The following GATA4 variants were observed in gnomAD, a reference collection of about 807,000 sequenced individuals.
GATA4 encodes GATA binding protein 4, also known as transcription factor GATA-4.
GATA4 carries 7 observed loss-of-function variants against 37.9 expected under a neutral mutation model. The ratio of observed to expected loss-of-function variants is 0.18; its 90% CI spans 0.11 to 0.35. The LOEUF is 0.35. Ranked by LOEUF, GATA4 falls within the 10% of genes least tolerant of loss-of-function variation. The probability of loss-of-function intolerance (pLI) is 1.00; values close to 1 mark genes in which losing one functional copy is unlikely to be tolerated. For synonymous variants in GATA4, 372 were observed against 292.6 expected (o/e 1.27, Z -2.77); for missense variants, 647 against 653.0 (o/e 0.99, Z 0.10).
chr8:11,725,915 C>T (rs1362050534), intron 2 of GATA4, among the ~76,000 whole-genome samples: 2 of 152,210 alleles, frequency 1.3e-5, no homozygotes, highest in Non-Finnish European at 2.9e-5. Flanking sequence ...TCTCTGCATG[C>T]AGCTTTTGAC....
At chr8:11,686,456 G>C (rs1799137579) in intron 1 of GATA4, among the ~76,000 whole-genome samples, 1 of 152,168 alleles carries the variant, frequency 6.6e-6, no homozygotes, top group Non-Finnish European at 1.5e-5. Context: ...GGGTGTGTTT[G>C]TTGATAATGG....
chr8:11,717,680 G>A (rs1300625118), intron 2 of GATA4, among the ~76,000 whole-genome samples: 3 of 152,188 alleles, frequency 2.0e-5, no homozygotes. Flanking sequence ...TCCATGACTT[G>A]TCGCTCCCAT....
rs1378340924 is a variant in GATA4 at position 11,758,526 on chromosome 8, T to C, written c.*51T>C. The C allele has an allele frequency of 2.5e-6, 4 of 1,597,214 alleles. No homozygotes were observed. Among genetic ancestry groups the C allele is most frequent in the Non-Finnish European group, 2.6e-6 (3 of 1,164,942 alleles). Reference sequence around the variant, plus strand: ...CTGCACGGACCTGGGACTTGGAGGATAGCAAAGAAGGAGGCCCTGGGCTCC... The same window carrying C: ...CTGCACGGACCTGGGACTTGGAGGACAGCAAAGAAGGAGGCCCTGGGCTCC... On this transcript the variant is annotated 3_prime_UTR_variant, in exon 7 of 7. Coordinates refer to ENST00000532059, the MANE Select transcript of GATA4 (RefSeq NM_001308093.3).
At chr8:11,687,118 G>A (rs927147714) in intron 1 of GATA4, among the ~76,000 whole-genome samples, 1 of 152,154 alleles carries the variant, frequency 6.6e-6, no homozygotes, top group Non-Finnish European at 1.5e-5. Flanking sequence ...GCCTTCCAAA[G>A]CAAGAGATGT....
chr8:11,758,236 C>G lies in GATA4; in HGVS notation c.1150-57C>G, dbSNP rs997279999. ...GCAGGGCACCCTCCCCAGCCTAGAC[C>G]TCCCAAGCCCTCAGGAGCGTCTCCA... On this transcript the variant is annotated intron_variant, in intron 6 of 6. Coordinates refer to ENST00000532059, the MANE Select transcript of GATA4 (RefSeq NM_001308093.3). The G allele has an allele frequency of 3.8e-6, 6 of 1,589,114 alleles. No homozygotes were observed. The African/African-American group carries it at 4.0e-5, about 11-fold the overall frequency.
At chr8:11,699,929 C>G (rs1027904508), upstream of GATA4, among the ~76,000 whole-genome samples, 5 of 151,930 alleles carry the variant, frequency 3.3e-5, no homozygotes, top group Admixed American at 6.5e-5. Flanking sequence ...TTTAAAAATA[C>G]GTTTTCATGG....
intron 1 of GATA4, among the ~76,000 whole-genome samples, chr8:11,706,620 A>G (rs1383605585): frequency 3.3e-5 from 5 of 152,260 alleles, no homozygotes; most frequent in African/African-American, 9.6e-5. Flanking sequence ...GCCTGGATTC[A>G]TATATAGTTA....
At chr8:11,688,760 G>C (rs1473533962), upstream of GATA4, among the ~76,000 whole-genome samples, 1 of 152,168 alleles carries the variant, frequency 6.6e-6, no homozygotes, top group Non-Finnish European at 1.5e-5. Context: ...AATAGTGTTA[G>C]GAAAATTCAT....
chr8:11,703,071 C>G (rs1312032247), upstream of GATA4, among the ~76,000 whole-genome samples: 1 of 152,180 alleles, frequency 6.6e-6, no homozygotes, highest in Non-Finnish European at 1.5e-5. Context: ...CGTTCCCAGC[C>G]TGCTTTCGGA....
intron 1 of GATA4, chr8:11,692,689 T>C: frequency 2.0e-6 from 2 of 979,504 alleles, no homozygotes; most frequent in Non-Finnish European, 2.4e-6. Context: ...GGGTGAGGGG[T>C]GCGGGGCTGC....
At chr8:11,733,867 T>G (rs1801325718) in intron 2 of GATA4, among the ~76,000 whole-genome samples, 1 of 152,176 alleles carries the variant, frequency 6.6e-6, no homozygotes, top group African/African-American at 2.4e-5. Context: ...CAAGAATATG[T>G]GACTCGAAGT....
At chr8:11,712,824 G>C (rs1447818710) in intron 2 of GATA4, among the ~76,000 whole-genome samples, 1 of 152,004 alleles carries the variant, frequency 6.6e-6, no homozygotes, top group Non-Finnish European at 1.5e-5. Flanking sequence ...TTGCACCACT[G>C]TACTCCTACC....
At chr8:11,711,156 T>G (rs1195096678) in intron 2 of GATA4, among the ~76,000 whole-genome samples, 1 of 152,158 alleles carries the variant, frequency 6.6e-6, no homozygotes. Context: ...AGTATTCAGA[T>G]TTTGAAATGT....
intron 2 of GATA4, among the ~76,000 whole-genome samples, chr8:11,732,327 C>T (rs973781857): frequency 1.3e-5 from 2 of 152,180 alleles, no homozygotes; most frequent in Non-Finnish European, 2.9e-5. Context: ...AACTATTCTC[C>T]AGGGGCACTG....
At chr8:11,730,994 T>C (rs1585644751) in intron 2 of GATA4, among the ~76,000 whole-genome samples, 1 of 152,260 alleles carries the variant, frequency 6.6e-6, no homozygotes, top group East Asian at 1.9e-4. Context: ...GGCGAGCTTC[T>C]CGGGCAGTCT....
intron 2 of GATA4, among the ~76,000 whole-genome samples, chr8:11,715,347 A>G (rs766370436): frequency 2.0e-5 from 3 of 152,214 alleles, no homozygotes; most frequent in Non-Finnish European, 4.4e-5. Context: ...TGAATTTTTT[A>G]ACCACCTTAA....
chr8:11,681,679 T>G (rs139003069), intron 1 of GATA4, among the ~76,000 whole-genome samples: 1,704 of 152,314 alleles, frequency 0.011, 18 homozygotes, highest in Middle Eastern at 0.027. Context: ...CTTTCTCTCT[T>G]CATTTCTCTC....
At chr8:11,693,078 C>A (rs1469121470) in intron 1 of GATA4, 1 of 984,624 alleles carries the variant, frequency 1.0e-6, no homozygotes, top group Non-Finnish European at 1.2e-6. Context: ...TTCTACCCGG[C>A]AACAAATACA....
rs185843389 is a variant in GATA4, at chr8:11,758,484, C to G, written c.*9C>G. The G allele has an allele frequency of 1.9e-6, 3 of 1,614,070 alleles. No homozygotes were observed. Among genetic ancestry groups the G allele is most frequent in the South Asian group, 1.1e-5 (1 of 91,080 alleles). On this transcript the variant is annotated 3_prime_UTR_variant, in exon 7 of 7. Coordinates refer to ENST00000532059, the MANE Select transcript of GATA4 (RefSeq NM_001308093.3). ...ACATAATCACTGCGTAATCTTCCCT[C>G]TTCCCTCCTCAAATTCCTGCACGGA... is the stretch of plus-strand genomic sequence containing the variant.
Sources: gnomAD v4.1 joint callset for allele counts (sites outside exome capture counted in the v4.1 genomes callset) on GRCh38, gnomAD v4.1.1 for gene constraint, MANE v1.5 for transcripts, NCBI Gene and HGNC (gene_info 2026-07-23, HGNC 2026-07-21) for gene names.